The following TAOK3 variants were observed in gnomAD, a reference collection of about 807,000 sequenced individuals.
TAOK3 encodes the protein TAO kinase 3.
In TAOK3, 40 loss-of-function variants were observed where a neutral mutation model predicts 120.4. That is an observed-to-expected ratio of 0.33 (90% CI 0.26 to 0.43). TAOK3 has a LOEUF of 0.43. Among genes scored for constraint, TAOK3 ranks in the 20% least tolerant of loss-of-function variants. The probability of loss-of-function intolerance (pLI) is 1.00; values close to 1 mark genes in which losing one functional copy is unlikely to be tolerated. For synonymous variants in TAOK3, 355 were observed against 387.5 expected (o/e 0.92, Z 0.99); for missense variants, 821 against 1,112.1 (o/e 0.74, Z 3.72).
rs1411124109 is a variant in TAOK3 at position 118,150,498 on chromosome 12, GAATA to G, written c.*495_*498del. ...AAACTTTGTTTTTTTTATTCCTGATGAATAAATACCAAAAAAATAAAATAAAATA... is the reference window on the plus strand; with the variant it reads ...AAACTTTGTTTTTTTTATTCCTGATGAATACCAAAAAAATAAAATAAAATA... On this transcript the variant is annotated 3_prime_UTR_variant, in exon 21 of 21. Transcript: ENST00000392533. 1 of 150,308 alleles carries G rather than the reference GAATA, an allele frequency of 6.7e-6. No homozygotes were observed. The highest frequency in any genetic ancestry group is 2.5e-5 in the African/African-American group (1 of 40,670). The allele number at this position is 150,308 out of a possible 1,614,324, so 9.3% of individuals were successfully genotyped here.
At chr12:118,163,441 T>A (rs2035353549) in intron 17 of TAOK3, among the ~76,000 whole-genome samples, 1 of 110,784 alleles carries the variant, frequency 9.0e-6, no homozygotes, top group Admixed American at 1.0e-4. Flanking sequence ...GGGACATACT[T>A]TTTTTTTGGG....
intron 9 of TAOK3, among the ~76,000 whole-genome samples, chr12:118,230,609 C>G (rs527531057): frequency 2.4e-4 from 37 of 151,732 alleles, no homozygotes; most frequent in African/African-American, 8.5e-4. Context: ...GCTGGGACTA[C>G]AGGCACCCAC....
intron 1 of TAOK3, among the ~76,000 whole-genome samples, chr12:118,315,072 A>G (rs1439987588): frequency 1.3e-5 from 2 of 152,096 alleles, no homozygotes; most frequent in African/African-American, 4.8e-5. Context: ...CTGGGATTAC[A>G]GGCATGTGCC....
intron 9 of TAOK3, among the ~76,000 whole-genome samples, chr12:118,223,496 G>A (rs2039351239): frequency 6.6e-6 from 1 of 151,232 alleles, no homozygotes; most frequent in Non-Finnish European, 1.5e-5. Flanking sequence ...ACAGGCGCCC[G>A]GCACCACGTC....
intron 9 of TAOK3, among the ~76,000 whole-genome samples, chr12:118,224,425 T>C (rs545677785): frequency 1.3e-5 from 2 of 152,324 alleles, no homozygotes; most frequent in East Asian, 3.9e-4. Flanking sequence ...ATCTATAACA[T>C]TTATGTTTGT....
intron 5 of TAOK3, among the ~76,000 whole-genome samples, chr12:118,241,947 C>T (rs1012998256): frequency 1.3e-5 from 2 of 152,036 alleles, no homozygotes; most frequent in African/African-American, 4.8e-5. Flanking sequence ...CCCGTCTCTA[C>T]TAAATACACA....
At chr12:118,324,215 G>C (rs562196411) in intron 1 of TAOK3, among the ~76,000 whole-genome samples, 2 of 152,302 alleles carry the variant, frequency 1.3e-5, no homozygotes, top group African/African-American at 4.8e-5. Context: ...AAAAACATCT[G>C]TATAACTTTA....
chr12:118,198,986 T>G, intron 13 of TAOK3, 65 bp downstream of exon 13: 4 of 1,568,250 alleles, frequency 2.6e-6, no homozygotes, highest in Non-Finnish European at 3.5e-6. Flanking sequence ...GGAAGCTAAG[T>G]GACTTGAACT....
At chr12:118,213,112 CT>C (rs2038713117) in intron 10 of TAOK3, 117 bp from the exon 11 acceptor site, 6 of 537,498 alleles carry the variant, frequency 1.1e-5, no homozygotes, top group Non-Finnish European at 1.9e-5. Context: ...TAAAAAAATG[CT>C]TTGGAATATC....
chr12:118,239,710 C>CT (rs531316846), intron 5 of TAOK3, among the ~76,000 whole-genome samples: 7 of 152,132 alleles, frequency 4.6e-5, no homozygotes, highest in Admixed American at 3.9e-4. Context: ...TAGTAAATTC[C>CT]TTTTTTTCAC....
chr12:118,280,266 G>T (rs2042054345), intron 1 of TAOK3, among the ~76,000 whole-genome samples: 1 of 151,980 alleles, frequency 6.6e-6, no homozygotes, highest in Non-Finnish European at 1.5e-5. Context: ...TTGCCACAGT[G>T]GCCATGCTGG....
intron 13 of TAOK3, among the ~76,000 whole-genome samples, chr12:118,197,897 C>A (rs957959558): frequency 4.6e-5 from 7 of 151,906 alleles, no homozygotes; most frequent in African/African-American, 1.7e-4. Flanking sequence ...CCATGTTAGC[C>A]GGGATGGTCT....
chr12:118,335,270 C>T (rs1164334380), intron 1 of TAOK3, among the ~76,000 whole-genome samples: 2 of 151,236 alleles, frequency 1.3e-5, no homozygotes, highest in Non-Finnish European at 2.9e-5. Context: ...AGAGATAAAT[C>T]ACTAATATCA....
chr12:118,242,336 C>T (rs1392486422), intron 5 of TAOK3, among the ~76,000 whole-genome samples: 2 of 152,058 alleles, frequency 1.3e-5, no homozygotes, highest in Non-Finnish European at 2.9e-5. Context: ...GTTCCTTGAA[C>T]AGAAATATGT....
At chr12:118,239,525 A>G (rs1450167778) in intron 5 of TAOK3, among the ~76,000 whole-genome samples, 1 of 152,232 alleles carries the variant, frequency 6.6e-6, no homozygotes, top group Non-Finnish European at 1.5e-5. Flanking sequence ...TTCACTATAA[A>G]TGGTGAAGCC....
chr12:118,232,218 T>G (rs2039815104), intron 9 of TAOK3, among the ~76,000 whole-genome samples: 1 of 152,238 alleles, frequency 6.6e-6, no homozygotes. Flanking sequence ...AGTATACCAC[T>G]GGATAGAAGT....
intron 19 of TAOK3, chr12:118,152,686 C>A: frequency 2.8e-6 from 1 of 362,750 alleles, no homozygotes; most frequent in Non-Finnish European, 5.1e-6. Flanking sequence ...GAGGTAGGCT[C>A]CTGGGCTTGA....
intron 2 of TAOK3, among the ~76,000 whole-genome samples, chr12:118,261,953 C>T (rs1278671761): frequency 6.6e-6 from 1 of 152,164 alleles, no homozygotes; most frequent in South Asian, 2.1e-4. Flanking sequence ...CTCTGCCTCC[C>T]GGGTTCCAGC....
chr12:118,150,924 G>A lies in TAOK3; in HGVS notation c.*73C>T. 1 of 1,421,506 alleles carries A rather than the reference G, an allele frequency of 7.0e-7. No homozygotes were observed. The highest frequency in any genetic ancestry group is 9.5e-7 in the Non-Finnish European group (1 of 1,055,686). 88.1% of individuals were successfully genotyped at this position (1,421,506 alleles called of 1,614,324 possible). Reference sequence around the variant, plus strand: ...CAACGCCCGTTAAAATGGGGAATGTGGTTTTGCAGGGTCTGAATTTTTTTC... The same window carrying A: ...CAACGCCCGTTAAAATGGGGAATGTAGTTTTGCAGGGTCTGAATTTTTTTC... On this transcript the variant is annotated 3_prime_UTR_variant, in exon 21 of 21. Coordinates refer to ENST00000392533, the MANE Select transcript of TAOK3 (RefSeq NM_016281.4).
Sources: allele counts gnomAD v4.1 joint callset (sites outside exome capture counted in the v4.1 genomes callset), GRCh38; gene constraint gnomAD v4.1.1; transcripts MANE v1.5; gene names NCBI Gene and HGNC (gene_info 2026-07-23, HGNC 2026-07-21).